The following SEC14L2 variants were observed in gnomAD, a reference collection of about 807,000 sequenced individuals.
SEC14L2 encodes the protein SEC14 like lipid binding 2.
A neutral mutation model predicts 56.9 loss-of-function variants in SEC14L2; 50 were observed. The observed-to-expected ratio is 0.88, with a 90% CI of 0.70 to 1.11. SEC14L2 has a LOEUF of 1.11. Ranked by LOEUF, SEC14L2 falls within the 50% of genes most tolerant of loss-of-function variation. The pLI, the probability that SEC14L2 is intolerant of heterozygous loss-of-function variation, is 0.00. For synonymous variants in SEC14L2, 179 were observed against 188.5 expected, an observed-to-expected ratio of 0.95 and a Z score of 0.41; for missense variants, 414 against 500.7, an observed-to-expected ratio of 0.83 and a Z score of 1.65.
Position 30,400,794 on chromosome 22 carries a change from C to T in SEC14L2, c.130+1076C>T, listed in dbSNP as rs180689541. On this transcript the variant is annotated intron_variant, in intron 2 of 11. Transcript: ENST00000615189. Reference sequence around the variant, plus strand: ...CCTGTAATCCCAGCTACTCAGGAGGCTGAGGTGGGAGGGTCGCTTGAACCC... The same window carrying T: ...CCTGTAATCCCAGCTACTCAGGAGGTTGAGGTGGGAGGGTCGCTTGAACCC... Among the ~76,000 whole-genome samples the T allele has an allele frequency of 2.7e-3, 363 of 136,056 alleles. 1 individual carries two copies. The highest frequency in any genetic ancestry group is 9.8e-3 in the African/African-American group (357 of 36,348). The allele number at this position is 136,056 out of a possible 152,430, so 89.3% of individuals were successfully genotyped here.
Position 30,416,316 on chromosome 22 carries a change from G to T in SEC14L2, c.994G>T (p.Glu332Ter). ...TKMGERQRAG[E>*]MTEVLPNQRY... The stretch of plus-strand genomic sequence containing the variant: ...GATGGGAGAGAGGCAGCGGGCAGGG[G>T]AGATGACAGAGGTGCTGCCCAACCA... The change falls in exon 11 of 12, where the codon GAG becomes TAG. Residue 332 changes from glutamate to a stop codon, truncating the protein, a stop_gained. Coordinates refer to ENST00000615189, the MANE Select transcript of SEC14L2 (RefSeq NM_012429.5). LOFTEE classifies it high-confidence loss of function. 1 of 1,614,250 alleles carries T rather than the reference G, an allele frequency of 6.2e-7. No homozygotes were observed. Among genetic ancestry groups the T allele is most frequent in the Non-Finnish European group, 8.5e-7 (1 of 1,180,040 alleles).
Position 30,424,173 on chromosome 22 carries a change from C to G in SEC14L2, c.*1766C>G, listed in dbSNP as rs1263929926. ...TAGCCCGTGCGAGCCAAGTGTGAGTCCGGGCGAGCGCCTGCGGAGCTAGCA... is the reference window on the plus strand; with the variant it reads ...TAGCCCGTGCGAGCCAAGTGTGAGTGCGGGCGAGCGCCTGCGGAGCTAGCA... On this transcript the variant is annotated 3_prime_UTR_variant, in exon 12 of 12. Transcript: ENST00000615189. 6.4e-6 allele frequency: 1 copy of G among 156,550 alleles called. No homozygotes were observed. The highest frequency in any genetic ancestry group is 1.4e-5 in the Non-Finnish European group (1 of 70,360). The allele number at this position is 156,550 out of a possible 1,614,324, so 9.7% of individuals were successfully genotyped here.
intron 10 of SEC14L2, 71 bp from the exon 11 acceptor site, chr22:30,416,163 C>T: frequency 4.4e-6 from 7 of 1,608,974 alleles, no homozygotes; most frequent in South Asian, 1.1e-5. Context: ...ATAGGAGAAG[C>T]CCTGGTGCCA....
chr22:30,410,680 GT>G lies in SEC14L2; in HGVS notation c.664+2del. On this transcript the variant is annotated splice_donor_variant, in intron 8 of 11. Transcript: ENST00000615189. LOFTEE classifies it high-confidence loss of function. ...CGTAAGAAGATCATGGTCCTGGGAG[GT>G]AAGTGGTCCAGACTGTTCTCAACTC... 2 of 1,613,882 alleles carry G rather than the reference GT, an allele frequency of 1.2e-6. No homozygotes were observed. Among genetic ancestry groups the G allele is most frequent in the Non-Finnish European group, 1.7e-6 (2 of 1,179,742 alleles).
intron 11 of SEC14L2, chr22:30,421,035 A>T (rs1934501756): frequency 6.6e-6 from 1 of 152,248 alleles, no homozygotes; most frequent in South Asian, 2.1e-4. Context: ...CATAATAAAC[A>T]GGGCATACAG....
chr22:30,403,608 A>G (rs918630855), intron 2 of SEC14L2, among the ~76,000 whole-genome samples: 1 of 152,220 alleles, frequency 6.6e-6, no homozygotes, highest in Non-Finnish European at 1.5e-5. Context: ...GAGAGCCCTC[A>G]CAGAAGATGC....
chr22:30,407,597 C>T lies in SEC14L2; in HGVS notation c.417C>T (p.Thr139=), dbSNP rs1243053613. The change falls in exon 5 of 12, where the codon ACC becomes ACT. Residue 139 remains threonine, a synonymous_variant. Coordinates refer to ENST00000615189, the MANE Select transcript of SEC14L2 (RefSeq NM_012429.5). ...ELLLQECAHQ[T]TKLGRKVETI... is the part of the protein sequence containing the mutation. ...TTCTGCAAGAGTGTGCCCACCAGAC[C>T]ACAAAGGTGAGTGGACCACCATGGC... is the stretch of plus-strand genomic sequence containing the variant. The T allele has an allele frequency of 6.2e-7, 1 of 1,613,126 alleles. No homozygotes were observed. The highest frequency in any genetic ancestry group is 8.5e-7 in the Non-Finnish European group (1 of 1,179,428).
intron 1 of SEC14L2, among the ~76,000 whole-genome samples, chr22:30,398,362 G>C (rs191326094): frequency 6.6e-6 from 1 of 152,292 alleles, no homozygotes; most frequent in Non-Finnish European, 1.5e-5. Context: ...GGGATGGTCT[G>C]AGTCCCTGGC....
chr22:30,402,988 G>A (rs896404285), intron 2 of SEC14L2, among the ~76,000 whole-genome samples: 2 of 152,116 alleles, frequency 1.3e-5, no homozygotes, highest in African/African-American at 4.8e-5. Flanking sequence ...GCCGAGGTGG[G>A]AAGTCACTTA....
intron 2 of SEC14L2, among the ~76,000 whole-genome samples, chr22:30,404,249 T>G (rs1934029576): frequency 6.6e-6 from 1 of 152,010 alleles, no homozygotes; most frequent in Non-Finnish European, 1.5e-5. Flanking sequence ...CAGAAGATAT[T>G]CCTCTAAAAG....
intron 2 of SEC14L2, among the ~76,000 whole-genome samples, chr22:30,403,965 T>TGCAGTCC (rs777137689): frequency 1.1e-4 from 14 of 125,856 alleles, no homozygotes; most frequent in African/African-American, 4.3e-4. Context: ...ATTGCGCCAC[T>TGCAGTCC]GCAGTCCGCA....
chr22:30,398,016 T>A (rs1164461730), intron 1 of SEC14L2: 1 of 369,914 alleles, frequency 2.7e-6, no homozygotes, highest in East Asian at 7.9e-5. Flanking sequence ...GCCGATAGGG[T>A]CTGGCCCCAA....
intron 8 of SEC14L2, among the ~76,000 whole-genome samples, chr22:30,414,724 A>G (rs1223535860): frequency 6.6e-6 from 1 of 151,974 alleles, no homozygotes; most frequent in East Asian, 1.9e-4. Context: ...TGGCTGTGCT[A>G]GAGTCAAACT....
At position 30,422,365 on chromosome 22, in the gene SEC14L2, A is replaced by C; in HGVS notation, c.1170A>C (p.Ser390=). ...TVEVLLPDKA[S]EEKMKQLGAG... ...AGGTCCTGCTTCCAGACAAAGCCTCAGAAGAGAAGATGAAACAGCTGGGGG... is the reference window on the plus strand; with the variant it reads ...AGGTCCTGCTTCCAGACAAAGCCTCCGAAGAGAAGATGAAACAGCTGGGGG... Residue 390 remains serine, a synonymous_variant, in exon 12 of 12, where the codon TCA becomes TCC. Transcript: ENST00000615189. 6.2e-7 allele frequency: 1 copy of C among 1,614,230 alleles called. No homozygotes were observed. Among genetic ancestry groups the C allele is most frequent in the Non-Finnish European group, 8.5e-7 (1 of 1,180,026 alleles).
chr22:30,398,793 T>C (rs750376672), intron 1 of SEC14L2: 14 of 470,860 alleles, frequency 3.0e-5, no homozygotes, highest in African/African-American at 1.8e-4. Context: ...GGAAAGAGTG[T>C]GTGCTCTGGA....
chr22:30,424,589 GA>G lies in SEC14L2; in HGVS notation c.*2185del. ...CTTTGGGTTGTTGCAAAGATTAAAG[GA>G]AATAAGCCGTGCAAAGCGCTTAAGA... is the stretch of plus-strand genomic sequence containing the variant. On this transcript the variant is annotated 3_prime_UTR_variant, in exon 12 of 12. Transcript: ENST00000615189. 1 of 401,158 alleles carries G rather than the reference GA, an allele frequency of 2.5e-6. No individual in the cohort carries two copies. 24.8% of individuals were successfully genotyped at this position (401,158 alleles called of 1,614,324 possible).
rs1411432398 is a variant in SEC14L2, at chr22:30,423,889, CAA to C, written c.*1483_*1484del. 6.6e-6 allele frequency: 1 copy of C among 152,296 alleles called. No individual in the cohort carries two copies. The highest frequency in any genetic ancestry group is 1.5e-5 in the Non-Finnish European group (1 of 68,068). The allele number at this position is 152,296 out of a possible 1,614,324, so 9.4% of individuals were successfully genotyped here. ...GCTAGGCTCCTCGCTGCCTCTCACTCAAGAGGCCCAAACTCAGACGGCGTCAG... is the reference window on the plus strand; with the variant it reads ...GCTAGGCTCCTCGCTGCCTCTCACTCGAGGCCCAAACTCAGACGGCGTCAG... On this transcript the variant is annotated 3_prime_UTR_variant, in exon 12 of 12. Coordinates refer to ENST00000615189, the MANE Select transcript of SEC14L2 (RefSeq NM_012429.5).
At chr22:30,414,141 T>C (rs1434676363) in intron 8 of SEC14L2, among the ~76,000 whole-genome samples, 1 of 152,226 alleles carries the variant, frequency 6.6e-6, no homozygotes, top group Non-Finnish European at 1.5e-5. Context: ...AGCTCTCTGC[T>C]TTTTGTTGCC....
At chr22:30,401,486 GTTA>G (rs1933932007) in intron 2 of SEC14L2, among the ~76,000 whole-genome samples, 1 of 150,432 alleles carries the variant, frequency 6.6e-6, no homozygotes, top group South Asian at 2.1e-4. Context: ...ACACCTGGCT[GTTA>G]TTTTTATTTT....
Sources: gnomAD v4.1 joint callset for allele counts (sites outside exome capture counted in the v4.1 genomes callset) on GRCh38, gnomAD v4.1.1 for gene constraint, MANE v1.5 for transcripts, NCBI Gene and HGNC (gene_info 2026-07-23, HGNC 2026-07-21) for gene names.